SORCS2: variants seen among roughly 807,000 people sequenced by gnomAD.
The protein encoded by SORCS2 is VPS10 domain-containing receptor SorCS2.
Under a neutral mutation model 141.6 loss-of-function variants are expected in SORCS2, and 100 were observed. The observed-to-expected ratio is 0.71, with a 90% CI of 0.60 to 0.83. The LOEUF (loss-of-function observed/expected upper bound fraction) is 0.83, where lower values mean the gene tolerates loss of function less well. Among genes scored for constraint, SORCS2 ranks in the 40% least tolerant of loss-of-function variants. The probability of loss-of-function intolerance (pLI) is 0.00; values close to 1 mark genes in which losing one functional copy is unlikely to be tolerated. For missense variants in SORCS2, 1,646 were observed against 1,560.2 expected (o/e 1.05, Z -0.93); for synonymous variants, 789 against 676.9 (o/e 1.17, Z -2.57).
chr4:7,527,492 C>A (rs796821839), intron 2 of SORCS2, among the ~76,000 whole-genome samples: 1 of 152,162 alleles, frequency 6.6e-6, no homozygotes, highest in Non-Finnish European at 1.5e-5. Flanking sequence ...GCGAGGACTG[C>A]AGGAGGTCGC....
In SORCS2 at chr4:7,531,041, G is replaced by C. The variant is rs554890976; in HGVS notation, c.549-489G>C. On this transcript the variant is annotated intron_variant, in intron 2 of 26. Coordinates refer to ENST00000507866, the MANE Select transcript of SORCS2 (RefSeq NM_020777.3). ...TCCCTGGAGGAGCTCAGAGTCCAGA[G>C]AGGGAAAGAGGCAAGCAGATAGGCC... Among the ~76,000 whole-genome samples the C allele has an allele frequency of 8.5e-5, 13 of 152,322 alleles. No homozygotes were observed. In the East Asian group the frequency reaches 2.5e-3, roughly 29 times the overall value.
chr4:7,345,167 G>A (rs1720587146), intron 1 of SORCS2, among the ~76,000 whole-genome samples: 2 of 152,180 alleles, frequency 1.3e-5, no homozygotes, highest in South Asian at 2.1e-4. Flanking sequence ...ACTTTGGAGC[G>A]GTAGAAGCTT....
chr4:7,462,039 T>C (rs1729346137), intron 2 of SORCS2, among the ~76,000 whole-genome samples: 1 of 152,182 alleles, frequency 6.6e-6, no homozygotes. Flanking sequence ...AAGGAATTAT[T>C]GGAACTGTCA....
intron 1 of SORCS2, among the ~76,000 whole-genome samples, chr4:7,380,583 T>C (rs771493325): frequency 8.5e-5 from 13 of 152,212 alleles, no homozygotes; most frequent in Non-Finnish European, 1.6e-4. Flanking sequence ...AGGACGTCAA[T>C]GTGGTTTCCG....
At chr4:7,531,229 A>G (rs1265687347) in intron 2 of SORCS2, among the ~76,000 whole-genome samples, 1 of 152,192 alleles carries the variant, frequency 6.6e-6, no homozygotes, top group Non-Finnish European at 1.5e-5. Flanking sequence ...TGCCCGGCTC[A>G]TAGGAGGCAT....
chr4:7,403,983 ATATATATATATATATTTTTTTTT>A (rs920827764), intron 2 of SORCS2, among the ~76,000 whole-genome samples: 10 of 20,226 alleles, frequency 4.9e-4, no homozygotes, highest in Middle Eastern at 0.022. Flanking sequence ...ATATATATAT[ATATATATATATATATTTTTTTTT>A]TTTTTTTAGT....
At chr4:7,260,142 A>G (rs1714220698) in intron 1 of SORCS2, among the ~76,000 whole-genome samples, 1 of 152,140 alleles carries the variant, frequency 6.6e-6, no homozygotes, top group South Asian at 2.1e-4. Context: ...GTGAGAACCC[A>G]TGTGTGGGAA....
At chr4:7,331,425 T>C (rs7657904) in intron 1 of SORCS2, among the ~76,000 whole-genome samples, 61,370 of 151,928 alleles carry the variant, frequency 0.4, 12,884 homozygotes, top group East Asian at 0.74. Flanking sequence ...CACTGTGTGT[T>C]TTCATGAAGC....
intron 1 of SORCS2, among the ~76,000 whole-genome samples, chr4:7,232,412 A>C (rs533309401): frequency 5.3e-5 from 8 of 152,274 alleles, no homozygotes; most frequent in African/African-American, 1.9e-4. Flanking sequence ...TGGACGCCGG[A>C]GAGCGCTAGT....
rs570070249 is a variant in SORCS2, at chr4:7,377,710, G to T, written c.481-18578G>T. Among the ~76,000 whole-genome samples, 72 of 152,334 alleles carry T rather than the reference G, an allele frequency of 4.7e-4. 1 individual carries two copies. Among genetic ancestry groups the T allele is most frequent in the Non-Finnish European group, 2.2e-4 (15 of 68,040 alleles). On this transcript the variant is annotated intron_variant, in intron 1 of 26. Coordinates refer to ENST00000507866, the MANE Select transcript of SORCS2 (RefSeq NM_020777.3). ...CACAGCTGGTAATGAAATGCCAGGC[G>T]TGTGATTTAGCTCAATCAGCTCAGG...
At chr4:7,625,692 A>T (rs1719472112) in intron 3 of SORCS2, among the ~76,000 whole-genome samples, 1 of 145,536 alleles carries the variant, frequency 6.9e-6, no homozygotes, top group African/African-American at 2.5e-5. Context: ...GGATGGATGG[A>T]AGGACGGATG....
chr4:7,203,611 C>T (rs976595793), intron 1 of SORCS2, among the ~76,000 whole-genome samples: 4 of 149,324 alleles, frequency 2.7e-5, no homozygotes, highest in Admixed American at 6.7e-5. Flanking sequence ...AAGACTCTGC[C>T]TAAAAAAAAA....
chr4:7,290,140 G>A (rs1408739664), intron 1 of SORCS2, among the ~76,000 whole-genome samples: 1 of 152,160 alleles, frequency 6.6e-6, no homozygotes, highest in Non-Finnish European at 1.5e-5. Flanking sequence ...CTGATGGCTG[G>A]CCCCAGGGGA....
intron 15 of SORCS2, among the ~76,000 whole-genome samples, chr4:7,713,698 A>C (rs984164512): frequency 6.6e-6 from 1 of 152,182 alleles, no homozygotes; most frequent in African/African-American, 2.4e-5. Context: ...GTGCCTGCCA[A>C]ACTGCCTTAG....
chr4:7,711,021 C>A (rs984522238), intron 14 of SORCS2, among the ~76,000 whole-genome samples: 1 of 152,206 alleles, frequency 6.6e-6, no homozygotes, highest in Non-Finnish European at 1.5e-5. Context: ...CGGGATGGAA[C>A]CAGCCTGGCT....
intron 4 of SORCS2, among the ~76,000 whole-genome samples, chr4:7,641,928 G>C (rs1720774861): frequency 8.3e-6 from 1 of 119,828 alleles, no homozygotes; most frequent in Non-Finnish European, 1.9e-5. Context: ...ACAGATGGAT[G>C]GATAGATGAT....
At chr4:7,616,894 C>T (rs1718797434) in intron 3 of SORCS2, among the ~76,000 whole-genome samples, 1 of 152,224 alleles carries the variant, frequency 6.6e-6, no homozygotes, top group Non-Finnish European at 1.5e-5. Flanking sequence ...GTGCAGACTG[C>T]TCCAGGCTCC....
At chr4:7,589,608 G>A (rs1185733601) in intron 3 of SORCS2, among the ~76,000 whole-genome samples, 1 of 152,102 alleles carries the variant, frequency 6.6e-6, no homozygotes, top group Non-Finnish European at 1.5e-5. Context: ...TCACCATATT[G>A]GCCAGGCTTG....
intron 1 of SORCS2, among the ~76,000 whole-genome samples, chr4:7,338,586 G>T (rs998365099): frequency 6.6e-6 from 1 of 152,156 alleles, no homozygotes; most frequent in Non-Finnish European, 1.5e-5. Context: ...GCTGGCTAAG[G>T]GGTTCTGGGA....
Sources: allele counts gnomAD v4.1 joint callset (sites outside exome capture counted in the v4.1 genomes callset), GRCh38; gene constraint gnomAD v4.1.1; transcripts MANE v1.5; gene names NCBI Gene and HGNC (gene_info 2026-07-23, HGNC 2026-07-21).